PCF11: variants seen among roughly 807,000 people sequenced by gnomAD.
The protein encoded by PCF11 is pre-mRNA cleavage complex 2 protein Pcf11.
In PCF11, 19 loss-of-function variants were observed where a neutral mutation model predicts 166.1. The ratio of observed to expected loss-of-function variants is 0.11; its 90% CI spans 0.08 to 0.17. The LOEUF is 0.17. PCF11 is among the 10% of genes least tolerant of loss of function. The probability of loss-of-function intolerance (pLI) is 1.00; values close to 1 mark genes in which losing one functional copy is unlikely to be tolerated. For missense variants in PCF11, 1,565 were observed against 1,855.5 expected (o/e 0.84, Z 2.88); for synonymous variants, 663 against 644.1 (o/e 1.03, Z -0.44).
rs754207715 is a variant in PCF11, at chr11:83,166,718, T to C, written c.1817+4T>C. The C allele has an allele frequency of 1.9e-6, 3 of 1,577,718 alleles. No homozygotes were observed. The highest frequency in any genetic ancestry group is 2.6e-6 in the Non-Finnish European group (3 of 1,167,188). On this transcript the variant is annotated splice_donor_region_variant and intron_variant, in intron 5 of 15. Coordinates refer to ENST00000298281, the Ensembl canonical transcript of PCF11. ...CTGGTTGGGAAGAAAATAAAAGGTA[T>C]GATGTTAACATTTTAAGTCAAGTGT...
In PCF11 at chr11:83,171,933, T is replaced by G; in HGVS notation, c.3757+19T>G. On this transcript the variant is annotated intron_variant, in intron 9 of 15. Coordinates refer to ENST00000298281, the Ensembl canonical transcript of PCF11. ...CCTTCAGGTATGTACTTTCTGAACT[T>G]TGTTTTTCAAAAGACAAATGATTAT... 8.3e-7 allele frequency: 1 copy of G among 1,198,562 alleles called. No homozygotes were observed. Among genetic ancestry groups the G allele is most frequent in the Non-Finnish European group, 1.2e-6 (1 of 813,292 alleles). 74.2% of individuals were successfully genotyped at this position (1,198,562 alleles called of 1,614,324 possible). A position where few individuals can be genotyped will look rare whatever the true frequency, so the allele number is the denominator to read the frequency against.
intron 9 of PCF11, among the ~76,000 whole-genome samples, chr11:83,174,399 T>G (rs1860804664): frequency 6.6e-6 from 1 of 151,770 alleles, no homozygotes; most frequent in African/African-American, 2.4e-5. Context: ...TTTTTTTTTT[T>G]TTTAAAGAGG....
Position 83,168,000 on chromosome 11 carries a change from C to A in PCF11, c.2093-428C>A, listed in dbSNP as rs1860533598. 1 of 896,716 alleles carries A rather than the reference C, an allele frequency of 1.1e-6. No individual in the cohort carries two copies. The highest frequency in any genetic ancestry group is 1.8e-5 in the African/African-American group (1 of 57,040). The allele number at this position is 896,716 out of a possible 1,614,324, so 55.5% of individuals were successfully genotyped here. A position where few individuals can be genotyped will look rare whatever the true frequency, so the allele number is the denominator to read the frequency against. Reference sequence around the variant, plus strand: ...GGATTTTTGTGACTGTTCAGATTACCATTTTTTTTCCCATTTATTTTGTTA... The same window carrying A: ...GGATTTTTGTGACTGTTCAGATTACAATTTTTTTTCCCATTTATTTTGTTA... On this transcript the variant is annotated intron_variant, in intron 7 of 15. Transcript: ENST00000298281. The surrounding 1 kb of genome is among the most constrained non-coding windows in gnomAD (Gnocchi z 4.2).
chr11:83,160,843 C>A (rs2135415559), intron 1 of PCF11, among the ~76,000 whole-genome samples: 1 of 152,186 alleles, frequency 6.6e-6, no homozygotes, highest in African/African-American at 2.4e-5. Context: ...GAGAAGTAAT[C>A]CTAATGATTT....
At chr11:83,178,210 G>T (rs572378529) in intron 11 of PCF11, among the ~76,000 whole-genome samples, 32 of 151,906 alleles carry the variant, frequency 2.1e-4, no homozygotes, top group African/African-American at 7.2e-4. Flanking sequence ...AGTAGAGATG[G>T]GGTTTCACCA....
chr11:83,168,617 C>T, exon 8 of PCF11: 1 of 1,613,958 alleles, frequency 6.2e-7, no homozygotes, highest in South Asian at 1.1e-5. Context: ...CCATCAGTAG[C>T]AAGAGATGGC....
exon 2 of PCF11, chr11:83,161,411 A>T: frequency 6.2e-7 from 1 of 1,601,260 alleles, no homozygotes; most frequent in South Asian, 1.1e-5. Flanking sequence ...CACTGCCTTT[A>T]CTAAAAATCT....
chr11:83,175,625 C>G (rs1403282822), intron 9 of PCF11, among the ~76,000 whole-genome samples: 2 of 152,098 alleles, frequency 1.3e-5, no homozygotes, highest in African/African-American at 2.4e-5. Flanking sequence ...TGTGGTGGCA[C>G]GCACCTGTAG....
intron 1 of PCF11, 133 bp downstream of exon 1, chr11:83,157,764 T>A: frequency 1.3e-6 from 1 of 779,278 alleles, no homozygotes; most frequent in Non-Finnish European, 2.1e-6. Flanking sequence ...CCCCTCCAAC[T>A]CAGGCTCGGT....
intron 15 of PCF11, chr11:83,184,425 C>CT: frequency 7.8e-6 from 3 of 384,432 alleles, no homozygotes; most frequent in Non-Finnish European, 9.3e-6. Flanking sequence ...GTCTAATCAA[C>CT]TTTTTTTGGC....
chr11:83,167,099 G>A lies in PCF11; in HGVS notation c.1818-26G>A, dbSNP rs1273664717. 2.6e-6 allele frequency: 4 copies of A among 1,562,152 alleles called. No individual in the cohort carries two copies. The South Asian group carries it at 4.7e-5, about 18-fold the overall frequency. ...GTATTTTTTAAAAAAACATTTCAAT[G>A]TAACATACTGCTTTTATGGTTTCAG... On this transcript the variant is annotated intron_variant, in intron 5 of 15. Coordinates refer to ENST00000298281, the Ensembl canonical transcript of PCF11. The surrounding 1 kb of genome is among the most constrained non-coding windows in gnomAD (Gnocchi z 4.2).
chr11:83,160,515 A>T (rs1034554216), intron 1 of PCF11, among the ~76,000 whole-genome samples: 1 of 151,932 alleles, frequency 6.6e-6, no homozygotes, highest in African/African-American at 2.4e-5. Flanking sequence ...AACTGGGGCA[A>T]CATTTCTTTA....
chr11:83,164,531 A>G, intron 4 of PCF11, 130 bp downstream of exon 4: 2 of 678,232 alleles, frequency 2.9e-6, no homozygotes, highest in South Asian at 1.9e-5. Flanking sequence ...TTTATTTTAC[A>G]AATGAGTATA....
Position 83,163,871 on chromosome 11 carries a change from A to G in PCF11, c.507+4A>G. ...TCCTAAATTTTTAAATAAATCGGTA[A>G]GTTTTAATATGAATAGTAAGTAACA... On this transcript the variant is annotated splice_donor_region_variant and intron_variant, in intron 3 of 15. Transcript: ENST00000298281. The G allele has an allele frequency of 7.4e-7, 1 of 1,343,520 alleles. No individual in the cohort carries two copies. 83.2% of individuals were successfully genotyped at this position (1,343,520 alleles called of 1,614,324 possible).
chr11:83,173,874 G>A (rs187503133), intron 9 of PCF11, among the ~76,000 whole-genome samples: 10 of 151,754 alleles, frequency 6.6e-5, no homozygotes, highest in African/African-American at 2.4e-4. Context: ...GGGACTACAG[G>A]CACATGCCAC....
chr11:83,159,317 A>G (rs1213959954), intron 1 of PCF11, among the ~76,000 whole-genome samples: 1 of 152,206 alleles, frequency 6.6e-6, no homozygotes, highest in Non-Finnish European at 1.5e-5. Flanking sequence ...TGAAGGCTTA[A>G]CTTGACATTA....
At chr11:83,169,293 T>G (rs1276454909) in exon 8 of PCF11, 1 of 1,611,846 alleles carries the variant, frequency 6.2e-7, no homozygotes, top group African/African-American at 1.3e-5. Flanking sequence ...AGGGTCCACA[T>G]GGTCAGCCAG....
chr11:83,175,659 C>T (rs544484545), intron 9 of PCF11, among the ~76,000 whole-genome samples: 1 of 152,258 alleles, frequency 6.6e-6, no homozygotes, highest in Admixed American at 6.5e-5. Context: ...GAGGCTGAGG[C>T]AGGAGAACGG....
At chr11:83,169,073 G>A in exon 8 of PCF11, 1 of 1,613,756 alleles carries the variant, frequency 6.2e-7, no homozygotes, top group Non-Finnish European at 8.5e-7. Flanking sequence ...CAGCCTGTAG[G>A]TGGACTTAGA....
Sources: allele counts gnomAD v4.1 joint callset (sites outside exome capture counted in the v4.1 genomes callset), GRCh38; gene constraint gnomAD v4.1.1; non-coding constraint Gnocchi (gnomAD v3.1); transcripts MANE v1.5; gene names NCBI Gene and HGNC (gene_info 2026-07-23, HGNC 2026-07-21).